The following SLC25A20 variants were observed in gnomAD, a reference collection of about 807,000 sequenced individuals.
The protein encoded by SLC25A20 is solute carrier family 25 member 20.
SLC25A20 carries 29 observed loss-of-function variants against 39.7 expected under a neutral mutation model. The ratio of observed to expected loss-of-function variants is 0.73; its 90% CI spans 0.54 to 1.00. SLC25A20 has a LOEUF of 1.00. Among genes scored for constraint, SLC25A20 ranks in the 50% least tolerant of loss-of-function variants. SLC25A20 has a pLI of 0.00. For synonymous variants in SLC25A20, 103 were observed against 142.2 expected, an observed-to-expected ratio of 0.72 and a Z score of 1.96; for missense variants, 333 against 379.9, an observed-to-expected ratio of 0.88 and a Z score of 1.03.
At chr3:48,863,583 G>A (rs925497739) in intron 4 of SLC25A20, among the ~76,000 whole-genome samples, 2 of 152,186 alleles carry the variant, frequency 1.3e-5, no homozygotes, top group African/African-American at 4.8e-5. Flanking sequence ...AGGACCAAGA[G>A]GAGTCAGAAC....
intron 4 of SLC25A20, among the ~76,000 whole-genome samples, chr3:48,871,320 T>C (rs1407986758): frequency 1.5e-4 from 22 of 151,598 alleles, no homozygotes; most frequent in Admixed American, 6.6e-4. Flanking sequence ...AGTAGAAAAT[T>C]GTTCTAGGAG....
At chr3:48,880,791 C>T (rs1412505483) in intron 3 of SLC25A20, among the ~76,000 whole-genome samples, 1 of 151,790 alleles carries the variant, frequency 6.6e-6, no homozygotes, top group African/African-American at 2.4e-5. Flanking sequence ...TGGTCTCAAA[C>T]TCCTGGGCTC....
chr3:48,879,194 G>A (rs913952426), intron 4 of SLC25A20, among the ~76,000 whole-genome samples, 164 bp downstream of exon 4: 1 of 152,052 alleles, frequency 6.6e-6, no homozygotes, highest in African/African-American at 2.4e-5. Flanking sequence ...TAACTCATGG[G>A]CTCAGGCAAT....
intron 4 of SLC25A20, among the ~76,000 whole-genome samples, chr3:48,873,692 C>T (rs6446252): frequency 0.68 from 102,372 of 151,074 alleles, 35,142 homozygotes; most frequent in East Asian, 0.96. Flanking sequence ...AAAGAATTCT[C>T]AGACTGGCCA....
intron 4 of SLC25A20, among the ~76,000 whole-genome samples, chr3:48,864,229 T>G (rs1261643108): frequency 6.6e-6 from 1 of 150,386 alleles, no homozygotes; most frequent in Non-Finnish European, 1.5e-5. Flanking sequence ...ATGCCTGTAA[T>G]CCCAGCTACT....
At chr3:48,871,933 C>T (rs2083718502) in intron 4 of SLC25A20, among the ~76,000 whole-genome samples, 1 of 151,488 alleles carries the variant, frequency 6.6e-6, no homozygotes, top group Admixed American at 6.6e-5. Flanking sequence ...TCACACCTCA[C>T]CACCCGCAAG....
chr3:48,873,385 G>A (rs1160489492), intron 4 of SLC25A20, among the ~76,000 whole-genome samples: 2 of 149,976 alleles, frequency 1.3e-5, no homozygotes, highest in African/African-American at 4.9e-5. Flanking sequence ...CCAAGGAGGG[G>A]GGATCACGAG....
intron 8 of SLC25A20, 132 bp downstream of exon 8, chr3:48,858,375 G>A: frequency 7.5e-7 from 1 of 1,324,968 alleles, no homozygotes; most frequent in Non-Finnish European, 1.1e-6. Context: ...AGCAAATAAG[G>A]AATGCTCTGG....
rs368709255 is a variant in SLC25A20, at chr3:48,875,017, G to A, written c.417+4341C>T. On this transcript the variant is annotated intron_variant, in intron 4 of 8. Transcript: ENST00000319017. ...GCGGAGGTTGCAGTGAACCAAGATC[G>A]TGCCACTGCACTCCAGCCTGGGCAA... 5.5e-4 allele frequency among the ~76,000 whole-genome samples: 80 copies of A among 144,312 alleles called. 2 individuals are homozygous for A. In the South Asian group the frequency reaches 0.015, roughly 27 times the overall value. The allele number at this position is 144,312 out of a possible 152,430, so 94.7% of individuals were successfully genotyped here. A position where few individuals can be genotyped will look rare whatever the true frequency, so the allele number is the denominator to read the frequency against.
At chr3:48,896,559 G>A (rs770508050) in intron 1 of SLC25A20, among the ~76,000 whole-genome samples, 3 of 151,932 alleles carry the variant, frequency 2.0e-5, no homozygotes, top group Admixed American at 6.6e-5. Context: ...CACCCAGGCT[G>A]GAGTGCAATG....
chr3:48,898,784 T>TGGTC lies in SLC25A20; in HGVS notation c.7_10dup (p.Gln4ArgfsTer55). On this transcript the variant is annotated frameshift_variant, in exon 1 of 9. Coordinates refer to ENST00000319017, the MANE Select transcript of SLC25A20 (RefSeq NM_000387.6). LOFTEE classifies it high-confidence loss of function. ...CTTGAGCGGGCTGATGGGTTTTGGC[T>TGGTC]GGTCGGCCATGGTCAGTCCGTCTGT... is the stretch of plus-strand genomic sequence containing the variant. The TGGTC allele has an allele frequency of 6.4e-7, 1 of 1,573,408 alleles. No individual in the cohort carries two copies. Among genetic ancestry groups the TGGTC allele is most frequent in the Non-Finnish European group, 8.6e-7 (1 of 1,159,686 alleles).
At chr3:48,890,947 C>G (rs1316321995) in intron 2 of SLC25A20, among the ~76,000 whole-genome samples, 1 of 151,912 alleles carries the variant, frequency 6.6e-6, no homozygotes, top group African/African-American at 2.4e-5. Flanking sequence ...AGCCAGCGCG[C>G]CCAGCCACCC....
At chr3:48,863,302 A>G (rs1221985853) in intron 4 of SLC25A20, among the ~76,000 whole-genome samples, 2 of 152,230 alleles carry the variant, frequency 1.3e-5, no homozygotes, top group Non-Finnish European at 2.9e-5. Context: ...TATTCCTTCA[A>G]CAAATATCCC....
chr3:48,894,927 C>T (rs2083901234), intron 1 of SLC25A20, among the ~76,000 whole-genome samples: 1 of 152,236 alleles, frequency 6.6e-6, no homozygotes, highest in African/African-American at 2.4e-5. Context: ...AAGCGATTCT[C>T]CTGCCTCAGC....
At chr3:48,883,125 G>A (rs914368370) in intron 3 of SLC25A20, among the ~76,000 whole-genome samples, 6 of 151,630 alleles carry the variant, frequency 4.0e-5, no homozygotes, top group African/African-American at 1.5e-4. Context: ...AACCTGGGAT[G>A]TGGAGCTTAC....
At chr3:48,889,663 T>C (rs915012892) in intron 2 of SLC25A20, among the ~76,000 whole-genome samples, 8 of 152,090 alleles carry the variant, frequency 5.3e-5, no homozygotes, top group African/African-American at 7.2e-5. Flanking sequence ...CTCACTGCAG[T>C]GTGGGCAAAG....
intron 3 of SLC25A20, among the ~76,000 whole-genome samples, chr3:48,880,358 A>C (rs1575987905): frequency 7.2e-6 from 1 of 138,156 alleles, no homozygotes; most frequent in African/African-American, 2.7e-5. Context: ...TCTCGGTGCA[A>C]CCTCCACCTC....
chr3:48,878,011 C>T (rs552801067), intron 4 of SLC25A20, among the ~76,000 whole-genome samples: 3 of 151,876 alleles, frequency 2.0e-5, no homozygotes, highest in East Asian at 3.9e-4. Context: ...GCCTGTAATC[C>T]CAGAACTTTG....
chr3:48,859,353 A>G (rs2106637676), intron 6 of SLC25A20, 152 bp from the exon 7 acceptor site: 1 of 849,372 alleles, frequency 1.2e-6, no homozygotes, highest in South Asian at 1.4e-5. Flanking sequence ...CTCCTTGGAG[A>G]AGGTTTCATG....
Sources: gnomAD v4.1 joint callset for allele counts (sites outside exome capture counted in the v4.1 genomes callset) on GRCh38, gnomAD v4.1.1 for gene constraint, MANE v1.5 for transcripts, NCBI Gene and HGNC (gene_info 2026-07-23, HGNC 2026-07-21) for gene names.